Variants in GRAMD1C observed in about 807,000 individuals in gnomAD.
GRAMD1C encodes the protein GRAM domain containing 1C, also known as protein Aster-C.
In GRAMD1C, 89 loss-of-function variants were observed where a neutral mutation model predicts 97.8. The observed-to-expected ratio is 0.91, with a 90% CI of 0.77 to 1.09. The LOEUF (loss-of-function observed/expected upper bound fraction) is 1.09, where lower values mean the gene tolerates loss of function less well. Ranked by LOEUF, GRAMD1C falls within the 50% of genes least tolerant of loss-of-function variation. The pLI, the probability that GRAMD1C is intolerant of heterozygous loss-of-function variation, is 0.00. For synonymous variants in GRAMD1C, 256 were observed against 267.0 expected (o/e 0.96, Z 0.40); for missense variants, 740 against 766.4 (o/e 0.97, Z 0.41).
intron 2 of GRAMD1C, chr3:113,850,708 C>A: frequency 3.8e-6 from 6 of 1,576,800 alleles, no homozygotes; most frequent in Non-Finnish European, 5.2e-6. Context: ...AAATGGCAAT[C>A]CGGTTCTTCT....
At chr3:113,887,085 GTTTT>G (rs531763397) in intron 6 of GRAMD1C, among the ~76,000 whole-genome samples, 15 of 71,428 alleles carry the variant, frequency 2.1e-4, no homozygotes, top group South Asian at 1.2e-3. Context: ...TGGCCTTTTT[GTTTT>G]TTTTTTGTTT....
At chr3:113,923,784 T>C (rs1400251529) in intron 10 of GRAMD1C, among the ~76,000 whole-genome samples, 1 of 152,168 alleles carries the variant, frequency 6.6e-6, no homozygotes, top group Non-Finnish European at 1.5e-5. Context: ...TGAATGATGC[T>C]GGCCTCATAG....
intron 5 of GRAMD1C, among the ~76,000 whole-genome samples, chr3:113,882,390 A>G (rs752885167): frequency 1.3e-4 from 20 of 152,168 alleles, no homozygotes; most frequent in Non-Finnish European, 2.6e-4. Flanking sequence ...CAGCCAATTC[A>G]TATCTCTTCG....
In GRAMD1C at chr3:113,844,566, A is replaced by T; in HGVS notation, c.91A>T (p.Ser31Cys). 1.2e-6 allele frequency: 2 copies of T among 1,603,840 alleles called. No homozygotes were observed. The highest frequency in any genetic ancestry group is 1.7e-6 in the Non-Finnish European group (2 of 1,172,300). Reference protein sequence around the residue: ...DLQEDVEENPSPTVEENNVVV... With the variant: ...DLQEDVEENPCPTVEENNVVV... ...ACAGGAAGATGTAGAGGAAAATCCT[A>T]GTCCAACTGTGGAAGAGAATAATGT... Residue 31 changes from serine (S) to cysteine (C), a missense_variant, in exon 2 of 18, where the codon AGT (serine) becomes TGT (cysteine). Transcript: ENST00000358160.
At chr3:113,900,849 T>G (rs1048548383) in intron 6 of GRAMD1C, among the ~76,000 whole-genome samples, 182 bp from the exon 7 acceptor site, 4 of 152,154 alleles carry the variant, frequency 2.6e-5, no homozygotes, top group African/African-American at 9.7e-5. Context: ...CCAGATAGCT[T>G]TTATTAACTC....
At chr3:113,856,126 G>A (rs1348148699) in intron 2 of GRAMD1C, among the ~76,000 whole-genome samples, 3 of 152,126 alleles carry the variant, frequency 2.0e-5, no homozygotes, top group African/African-American at 7.2e-5. Context: ...GACTTCAAGT[G>A]ATCTGCCCAC....
intron 2 of GRAMD1C, among the ~76,000 whole-genome samples, chr3:113,868,995 A>G (rs549548042): frequency 1.3e-5 from 2 of 150,982 alleles, no homozygotes; most frequent in Admixed American, 1.3e-4. Context: ...TTTCCCTTTC[A>G]CTCCTGGGCA....
In GRAMD1C at chr3:113,833,239, G is replaced by A. The variant is rs578058072; in HGVS notation, n.98+4960G>A. Among the ~76,000 whole-genome samples the A allele has an allele frequency of 6.9e-3, 1,042 of 151,108 alleles. 5 individuals are homozygous for A. The highest frequency in any genetic ancestry group is 9.1e-3 in the Non-Finnish European group (617 of 67,846). ...TGCAACCTCTGCCTCCTGGGTTCAA[G>A]CAATTCTCCTGCCTCAGCCTCCCAA... On this transcript the variant is annotated intron_variant and non_coding_transcript_variant, in intron 1 of 18. Coordinates refer to the GRAMD1C transcript ENST00000479212.
At chr3:113,849,648 A>G (rs979624449) in intron 2 of GRAMD1C, among the ~76,000 whole-genome samples, 2 of 152,080 alleles carry the variant, frequency 1.3e-5, no homozygotes, top group African/African-American at 4.8e-5. Context: ...AGGCAGAAGA[A>G]TTTTTCTTAG....
At chr3:113,890,730 C>T (rs1935691581) in intron 6 of GRAMD1C, 1 of 699,944 alleles carries the variant, frequency 1.4e-6, no homozygotes, top group Non-Finnish European at 2.6e-6. Flanking sequence ...AATGTCCTTC[C>T]AATGTCACAT....
At chr3:113,840,666 A>G (rs1709761803) in intron 1 of GRAMD1C, among the ~76,000 whole-genome samples, 1 of 151,882 alleles carries the variant, frequency 6.6e-6, no homozygotes, top group Non-Finnish European at 1.5e-5. Flanking sequence ...TGAGATAGGA[A>G]GATCACTTGA....
At chr3:113,887,294 A>G (rs112398613) in intron 6 of GRAMD1C, among the ~76,000 whole-genome samples, 41 of 151,064 alleles carry the variant, frequency 2.7e-4, no homozygotes, top group African/African-American at 9.2e-4. Context: ...GTTTCACCAT[A>G]TTGGTCAGGC....
intron 10 of GRAMD1C, chr3:113,919,976 T>C (rs1460664140): frequency 7.5e-6 from 5 of 670,520 alleles, no homozygotes; most frequent in Admixed American, 5.8e-5. Context: ...CTGTTTTTAG[T>C]GGGATATGAC....
chr3:113,914,490 A>G (rs1283523686), intron 9 of GRAMD1C, among the ~76,000 whole-genome samples: 1 of 152,202 alleles, frequency 6.6e-6, no homozygotes, highest in Non-Finnish European at 1.5e-5. Context: ...ATATTGACAG[A>G]TGCTTTACCC....
At chr3:113,891,454 T>C (rs137978881) in intron 6 of GRAMD1C, among the ~76,000 whole-genome samples, 1 of 152,074 alleles carries the variant, frequency 6.6e-6, no homozygotes, top group Admixed American at 6.6e-5. Flanking sequence ...TAAAGCCACA[T>C]TGGTTAAATT....
At chr3:113,937,499 G>T (rs1937599107) in intron 14 of GRAMD1C, among the ~76,000 whole-genome samples, 1 of 152,092 alleles carries the variant, frequency 6.6e-6, no homozygotes, top group Non-Finnish European at 1.5e-5. Flanking sequence ...ATGTTGTATT[G>T]AATTGCTTGT....
chr3:113,861,594 A>G (rs1223319083), intron 2 of GRAMD1C, among the ~76,000 whole-genome samples: 2 of 152,214 alleles, frequency 1.3e-5, no homozygotes, highest in African/African-American at 4.8e-5. Flanking sequence ...GAATGAGAAA[A>G]TATCTGCAAA....
upstream of GRAMD1C, among the ~76,000 whole-genome samples, chr3:113,835,031 T>A (rs1709615677): frequency 6.6e-6 from 1 of 152,190 alleles, no homozygotes; most frequent in Non-Finnish European, 1.5e-5. Flanking sequence ...GGTTTTTCCA[T>A]ATGTTTTTCT....
intron 2 of GRAMD1C, among the ~76,000 whole-genome samples, chr3:113,860,933 T>A (rs1404371923): frequency 6.8e-6 from 1 of 147,966 alleles, no homozygotes. Context: ...GCCATTGCAC[T>A]ACAGCCTGGG....
Sources: gnomAD v4.1 joint callset for allele counts (sites outside exome capture counted in the v4.1 genomes callset) on GRCh38, gnomAD v4.1.1 for gene constraint, MANE v1.5 for transcripts, NCBI Gene and HGNC (gene_info 2026-07-23, HGNC 2026-07-21) for gene names.